Variants in PAQR5 observed in about 807,000 individuals in gnomAD.
PAQR5 encodes membrane progestin receptor gamma.
Under a neutral mutation model 34.5 loss-of-function variants are expected in PAQR5, and 20 were observed. The observed-to-expected ratio is 0.58, with a 90% CI of 0.41 to 0.84. The LOEUF is 0.84. Ranked by LOEUF, PAQR5 falls within the 40% of genes least tolerant of loss-of-function variation. The probability of loss-of-function intolerance (pLI) is 0.00; values close to 1 mark genes in which losing one functional copy is unlikely to be tolerated. For missense variants in PAQR5, 378 were observed against 412.7 expected (o/e 0.92, Z 0.73); for synonymous variants, 131 against 155.6 (o/e 0.84, Z 1.18).
chr15:69,370,925 T>G (rs1353219201), intron 3 of PAQR5, among the ~76,000 whole-genome samples: 1 of 152,238 alleles, frequency 6.6e-6, no homozygotes, highest in African/African-American at 2.4e-5. Flanking sequence ...TTATCGCACA[T>G]GTCTAAATGT....
In PAQR5 at chr15:69,302,028, G is replaced by A. The variant is rs138215406; in HGVS notation, c.-277+2972G>A. On this transcript the variant is annotated intron_variant, in intron 1 of 8. Transcript: ENST00000395407. ...CTTGAGCCCCAGTCTGTCTCTCAGC[G>A]GCTTCCTCCAGGAAACAAAACTGAC... Among the ~76,000 whole-genome samples, 138 of 151,678 alleles carry A rather than the reference G, an allele frequency of 9.1e-4. 4 individuals are homozygous for A. In the East Asian group the frequency reaches 0.025, roughly 28 times the overall value.
Position 69,300,786 on chromosome 15 carries a change from CTT to C in PAQR5, c.-277+1732_-277+1733del, listed in dbSNP as rs1407886132. On this transcript the variant is annotated intron_variant, in intron 1 of 8. Transcript: ENST00000395407. ...CCTTCCTCCCTCCCTCTCTCTCTCT[CTT>C]TCTTTCTTTCTTTCCTTCTTTCCTT... 5.5e-4 allele frequency among the ~76,000 whole-genome samples: 20 copies of C among 36,600 alleles called. 6 individuals are homozygous for C. Among genetic ancestry groups the C allele is most frequent in the East Asian group, 4.6e-3 (7 of 1,518 alleles). The allele number at this position is 36,600 out of a possible 152,430, so 24.0% of individuals were successfully genotyped here. A position where few individuals can be genotyped will look rare whatever the true frequency, so the allele number is the denominator to read the frequency against.
At chr15:69,329,056 C>G (rs576165217) in intron 1 of PAQR5, among the ~76,000 whole-genome samples, 1 of 152,242 alleles carries the variant, frequency 6.6e-6, no homozygotes, top group Admixed American at 6.5e-5. Context: ...ATGGGGATTC[C>G]GTCTGGACGC....
intron 3 of PAQR5, among the ~76,000 whole-genome samples, chr15:69,379,173 C>G (rs571021469): frequency 1.6e-4 from 24 of 152,238 alleles, no homozygotes; most frequent in African/African-American, 4.3e-4. Context: ...GTGCCTCTGG[C>G]CTCATTATCT....
chr15:69,301,090 G>A (rs28368368), intron 1 of PAQR5, among the ~76,000 whole-genome samples: 14,493 of 149,508 alleles, frequency 0.097, 785 homozygotes, highest in East Asian at 0.13. Flanking sequence ...TGCAACCTCC[G>A]CCTCCCGGGT....
In PAQR5 at chr15:69,397,570, G is replaced by A. The variant is rs376571461; in HGVS notation, c.609+6G>A. The A allele has an allele frequency of 1.6e-4, 246 of 1,572,910 alleles. No individual in the cohort carries two copies. Among genetic ancestry groups the A allele is most frequent in the Non-Finnish European group, 1.9e-4 (221 of 1,142,586 alleles). On this transcript the variant is annotated splice_donor_region_variant and intron_variant, in intron 7 of 8. Coordinates refer to ENST00000395407, the MANE Select transcript of PAQR5 (RefSeq NM_017705.4). ...CCCTCCCCATCTTCTACAGGGTAAG[G>A]ACTGGCTGCATCTCCTCTCTGCCTG...
intron 3 of PAQR5, among the ~76,000 whole-genome samples, chr15:69,366,333 A>T (rs1445213136): frequency 1.3e-5 from 2 of 152,176 alleles, no homozygotes; most frequent in Non-Finnish European, 1.5e-5. Context: ...GATATACCAT[A>T]GTTTGTTTAT....
intron 1 of PAQR5, among the ~76,000 whole-genome samples, chr15:69,315,784 G>A (rs992567670): frequency 1.3e-5 from 2 of 152,284 alleles, no homozygotes; most frequent in African/African-American, 2.4e-5. Flanking sequence ...ACAAGCAATG[G>A]CAGTTGGAGC....
intron 2 of PAQR5, among the ~76,000 whole-genome samples, chr15:69,340,741 A>G (rs2054619839): frequency 6.6e-6 from 1 of 152,002 alleles, no homozygotes. Context: ...CTTATTTTTG[A>G]CTTTGCCAGG....
rs2056732852 is a variant in PAQR5, at chr15:69,404,897, C to T, written c.*1075C>T. Reference sequence around the variant, plus strand: ...ATGTAGGTTTTGTAGAGGAGATCTGCACTGGAGCAAGTCTCCCAGATGATT... The same window carrying T: ...ATGTAGGTTTTGTAGAGGAGATCTGTACTGGAGCAAGTCTCCCAGATGATT... On this transcript the variant is annotated 3_prime_UTR_variant, in exon 9 of 9. Coordinates refer to ENST00000395407, the MANE Select transcript of PAQR5 (RefSeq NM_017705.4). 2 of 398,380 alleles carry T rather than the reference C, an allele frequency of 5.0e-6. No individual in the cohort carries two copies. Among genetic ancestry groups the T allele is most frequent in the South Asian group, 2.5e-4 (2 of 7,860 alleles). 24.7% of individuals were successfully genotyped at this position (398,380 alleles called of 1,614,324 possible).
intron 2 of PAQR5, among the ~76,000 whole-genome samples, chr15:69,348,505 C>T (rs1034865463): frequency 2.6e-5 from 4 of 152,122 alleles, no homozygotes; most frequent in South Asian, 2.1e-4. Context: ...GACAGGCAGG[C>T]GAGGTGACCA....
chr15:69,302,082 T>C (rs1247780042), intron 1 of PAQR5, among the ~76,000 whole-genome samples: 1 of 151,486 alleles, frequency 6.6e-6, no homozygotes, highest in African/African-American at 2.4e-5. Context: ...ATATATATAT[T>C]TGAGACAGGG....
chr15:69,340,232 A>C (rs1042208783), intron 2 of PAQR5, among the ~76,000 whole-genome samples: 6 of 151,994 alleles, frequency 3.9e-5, no homozygotes, highest in Non-Finnish European at 7.4e-5. Flanking sequence ...CTTTTGTCAT[A>C]ATCTAGTATA....
At chr15:69,355,638 C>T (rs1469593460) in intron 2 of PAQR5, among the ~76,000 whole-genome samples, 3 of 151,986 alleles carry the variant, frequency 2.0e-5, no homozygotes, top group African/African-American at 7.3e-5. Context: ...TCAGGCTGGT[C>T]TCGAACTCCT....
intron 1 of PAQR5, among the ~76,000 whole-genome samples, chr15:69,321,954 C>T (rs997772619): frequency 6.6e-6 from 1 of 152,084 alleles, no homozygotes; most frequent in Non-Finnish European, 1.5e-5. Context: ...TGATAGATAC[C>T]CTTGTACTGG....
At chr15:69,375,883 G>A (rs1367092387) in intron 3 of PAQR5, among the ~76,000 whole-genome samples, 1 of 152,114 alleles carries the variant, frequency 6.6e-6, no homozygotes, top group Non-Finnish European at 1.5e-5. Flanking sequence ...TTTACTGCTG[G>A]CCAAAAATGC....
intron 1 of PAQR5, among the ~76,000 whole-genome samples, chr15:69,306,319 T>TAAAACATACA (rs1324827059): frequency 6.8e-6 from 1 of 147,574 alleles, no homozygotes; most frequent in East Asian, 2.0e-4. Context: ...GTTATTGCAG[T>TAAAACATACA]AAAACATACA....
chr15:69,324,785 C>T (rs2054207745), intron 1 of PAQR5, among the ~76,000 whole-genome samples: 1 of 152,138 alleles, frequency 6.6e-6, no homozygotes, highest in South Asian at 2.1e-4. Context: ...GATAGGTCCT[C>T]GAATGGCACG....
rs866864555 is a variant in PAQR5, at chr15:69,389,774, A to G, written c.506A>G (p.Tyr169Cys). ...ATCCTCAGCACAGGCCTCTCCTGCT[A>G]CTCCAGGTACTGGTCGCTCTGACCT... ...NTILSTGLSCYSRFLEIQKPR... is the reference protein window; with the variant it reads ...NTILSTGLSCCSRFLEIQKPR... Residue 169 changes from tyrosine (Y) to cysteine (C), a missense_variant, in exon 6 of 9, where the codon TAC (tyrosine) becomes TGC (cysteine). By Grantham distance (194) the Tyr-to-Cys change is radical. Coordinates refer to ENST00000395407, the MANE Select transcript of PAQR5 (RefSeq NM_017705.4). 8 of 1,613,660 alleles carry G rather than the reference A, an allele frequency of 5.0e-6. No homozygotes were observed. In the Middle Eastern group the frequency reaches 1.2e-3, roughly 233 times the overall value.
Sources: gnomAD v4.1 joint callset for allele counts (sites outside exome capture counted in the v4.1 genomes callset) on GRCh38, gnomAD v4.1.1 for gene constraint, MANE v1.5 for transcripts, NCBI Gene and HGNC (gene_info 2026-07-23, HGNC 2026-07-21) for gene names.